The following HTR7 variants were observed in gnomAD, a reference collection of about 807,000 sequenced individuals.
HTR7 encodes 5-HT-7.
A neutral mutation model predicts 34.0 loss-of-function variants in HTR7; 16 were observed. The observed-to-expected ratio is 0.47, with a 90% CI of 0.32 to 0.71. HTR7 has a LOEUF of 0.71. HTR7 is among the 30% of genes least tolerant of loss of function. The pLI, the probability that HTR7 is intolerant of heterozygous loss-of-function variation, is 0.04. For missense variants in HTR7, 504 were observed against 625.5 expected, an observed-to-expected ratio of 0.81 and a Z score of 2.07; for synonymous variants, 265 against 260.2, an observed-to-expected ratio of 1.02 and a Z score of -0.18.
chr10:90,805,156 A>AG (rs976971787), intron 1 of HTR7, among the ~76,000 whole-genome samples: 39 of 152,302 alleles, frequency 2.6e-4, no homozygotes, highest in African/African-American at 9.4e-4. Context: ...CTACAATGTT[A>AG]GGGGTGGCTG....
intron 1 of HTR7, among the ~76,000 whole-genome samples, chr10:90,839,864 C>T (rs1045985582): frequency 6.6e-6 from 1 of 152,012 alleles, no homozygotes; most frequent in Non-Finnish European, 1.5e-5. Flanking sequence ...CAAGAAAGGT[C>T]CTATCACACA....
chr10:90,806,683 A>G (rs529891711), intron 1 of HTR7, among the ~76,000 whole-genome samples: 33 of 152,336 alleles, frequency 2.2e-4, no homozygotes, highest in African/African-American at 7.9e-4. Flanking sequence ...GAGTTTAGCA[A>G]TGGATCCAGC....
chr10:90,751,560 G>C (rs1316538391), intron 1 of HTR7, among the ~76,000 whole-genome samples: 2 of 152,166 alleles, frequency 1.3e-5, no homozygotes, highest in Admixed American at 6.5e-5. Context: ...CCAGCAGGTA[G>C]AGGTTACTTT....
intron 1 of HTR7, among the ~76,000 whole-genome samples, chr10:90,852,069 T>A (rs982446159): frequency 6.6e-6 from 1 of 151,764 alleles, no homozygotes; most frequent in Admixed American, 6.6e-5. Context: ...AGTAAAAAAA[T>A]AATGCTGGGC....
intron 2 of HTR7, among the ~76,000 whole-genome samples, chr10:90,747,412 AT>A (rs543240861): frequency 4.6e-4 from 70 of 152,310 alleles, no homozygotes; most frequent in Non-Finnish European, 7.2e-4. Context: ...TTAAAATTAC[AT>A]TTTTTAATGC....
At chr10:90,820,756 C>T (rs573883698) in intron 1 of HTR7, among the ~76,000 whole-genome samples, 4 of 152,232 alleles carry the variant, frequency 2.6e-5, no homozygotes, top group African/African-American at 9.6e-5. Context: ...GACAGAACCC[C>T]ATCATAAGAT....
At chr10:90,801,791 T>G (rs1250146510) in intron 1 of HTR7, among the ~76,000 whole-genome samples, 1 of 152,222 alleles carries the variant, frequency 6.6e-6, no homozygotes, top group Non-Finnish European at 1.5e-5. Flanking sequence ...CTGGCCTCCT[T>G]GTGCAATCTG....
Position 90,794,030 on chromosome 10 carries a change from ACT to A in HTR7, c.540-44438_540-44437del, listed in dbSNP as rs370317888. On this transcript the variant is annotated intron_variant, in intron 1 of 3. Coordinates refer to ENST00000336152, the MANE Select transcript of HTR7 (RefSeq NM_019859.4). The stretch of plus-strand genomic sequence containing the variant: ...AGGGTGGGTCTGCCTCTCCCAGTCC[ACT>A]GACTCAAATGTTAATCTCCTTTGGC... 2.9e-4 allele frequency among the ~76,000 whole-genome samples: 44 copies of A among 152,314 alleles called. No homozygotes were observed. In the East Asian group the frequency reaches 7.7e-3, roughly 27 times the overall value.
In HTR7 at chr10:90,785,917, T is replaced by G. The variant is rs529517310; in HGVS notation, c.540-36323A>C. Among the ~76,000 whole-genome samples, 17 of 152,336 alleles carry G rather than the reference T, an allele frequency of 1.1e-4. No individual in the cohort carries two copies. The South Asian group carries it at 3.5e-3, about 32-fold the overall frequency. ...GGAAAGCAGCCATGGTACTGCCAGC[T>G]GAGCAACCCGACCTGGGAATGTATC... On this transcript the variant is annotated intron_variant, in intron 1 of 3. Coordinates refer to ENST00000336152, the MANE Select transcript of HTR7 (RefSeq NM_019859.4).
At chr10:90,809,075 T>C (rs981617678) in intron 1 of HTR7, among the ~76,000 whole-genome samples, 1 of 152,074 alleles carries the variant, frequency 6.6e-6, no homozygotes, top group African/African-American at 2.4e-5. Context: ...GTCTCCAATC[T>C]TCCTTTTCTA....
chr10:90,846,161 A>G (rs1846411247), intron 1 of HTR7, among the ~76,000 whole-genome samples: 1 of 152,226 alleles, frequency 6.6e-6, no homozygotes, highest in African/African-American at 2.4e-5. Context: ...ACCTAAGTCT[A>G]AACACAAAAT....
intron 1 of HTR7, among the ~76,000 whole-genome samples, chr10:90,821,582 G>A (rs1247382270): frequency 6.6e-6 from 1 of 152,184 alleles, no homozygotes; most frequent in African/African-American, 2.4e-5. Context: ...CAACTCCAAG[G>A]CAATTCCTAG....
intron 1 of HTR7, among the ~76,000 whole-genome samples, chr10:90,802,925 A>G (rs1422920806): frequency 6.7e-6 from 1 of 150,110 alleles, no homozygotes; most frequent in East Asian, 2.0e-4. Flanking sequence ...TGTGTAGATG[A>G]CCAGCTGAGA....
intron 1 of HTR7, among the ~76,000 whole-genome samples, chr10:90,800,938 G>A (rs1247393822): frequency 6.6e-6 from 1 of 152,180 alleles, no homozygotes; most frequent in Non-Finnish European, 1.5e-5. Context: ...TCTCAGGGAA[G>A]AGATCAGCCC....
intron 1 of HTR7, among the ~76,000 whole-genome samples, chr10:90,798,437 T>A (rs964129713): frequency 4.6e-5 from 7 of 152,096 alleles, no homozygotes; most frequent in Middle Eastern, 3.2e-3. Context: ...TTTTAATATA[T>A]CCCCAGGCTG....
At position 90,748,852 on chromosome 10, in the gene HTR7, G is replaced by C; in HGVS notation, c.1282C>G (p.Pro428Ala). 2 of 1,612,698 alleles carry C rather than the reference G, an allele frequency of 1.2e-6. No homozygotes were observed. The highest frequency in any genetic ancestry group is 1.7e-6 in the Non-Finnish European group (2 of 1,179,460). Residue 428 changes from proline to alanine, a missense_variant, in exon 2 of 4, where the codon CCT (proline) becomes GCT (alanine). Physicochemically the swap from Pro to Ala is conservative, Grantham distance 27 (BLOSUM62 -1). This residue lies in a region of HTR7 where 154 missense variants were observed against 212.1 expected (regional missense o/e 0.73). Coordinates refer to ENST00000336152, the MANE Select transcript of HTR7 (RefSeq NM_019859.4). ...ALKLAERPER[P>A]EFVLRACTRR... ...AAATGACCTTACAGCACAAACTCAG[G>C]TCTCTCTGGCCTCTCAGCAAGCTTC...
chr10:90,767,917 C>G (rs1845048169), intron 1 of HTR7, among the ~76,000 whole-genome samples: 1 of 152,150 alleles, frequency 6.6e-6, no homozygotes, highest in South Asian at 2.1e-4. Context: ...GCCAAGACTT[C>G]CCCTTGGAGC....
chr10:90,796,649 T>C (rs543509206), intron 1 of HTR7, among the ~76,000 whole-genome samples: 1 of 152,140 alleles, frequency 6.6e-6, no homozygotes, highest in Non-Finnish European at 1.5e-5. Flanking sequence ...GAGTTTGAGG[T>C]TACAGTGAGC....
At chr10:90,813,548 A>G (rs1440074800) in intron 1 of HTR7, among the ~76,000 whole-genome samples, 1 of 151,828 alleles carries the variant, frequency 6.6e-6, no homozygotes, top group Admixed American at 6.6e-5. Flanking sequence ...AATTATTTAG[A>G]TAGTGAGGGT....
Sources: gnomAD v4.1 joint callset for allele counts (sites outside exome capture counted in the v4.1 genomes callset) on GRCh38, gnomAD v4.1.1 for gene constraint, gnomAD v4.1.1 regional missense constraint, MANE v1.5 for transcripts, NCBI Gene and HGNC (gene_info 2026-07-23, HGNC 2026-07-21) for gene names.